FAT3: variants seen among roughly 807,000 people sequenced by gnomAD.
The protein encoded by FAT3 is protocadherin Fat 3.
A neutral mutation model predicts 310.2 loss-of-function variants in FAT3; 95 were observed. The ratio of observed to expected loss-of-function variants is 0.31; its 90% CI spans 0.26 to 0.36. The LOEUF is 0.36. FAT3 is among the 10% of genes least tolerant of loss of function. FAT3 has a pLI of 1.00. For missense variants in FAT3, 5,408 were observed against 5,715.6 expected (o/e 0.95, Z 1.74); for synonymous variants, 2,314 against 2,192.9 (o/e 1.06, Z -1.54).
At chr11:92,753,562 G>A (rs1945883739) in intron 4 of FAT3, among the ~76,000 whole-genome samples, 2 of 152,052 alleles carry the variant, frequency 1.3e-5, no homozygotes, top group South Asian at 4.1e-4. Context: ...GAAAAGCTTT[G>A]TGTAAAGTGT....
At position 92,798,404 on chromosome 11, in the gene FAT3, G is replaced by A. The variant is rs143705185; in HGVS notation, c.5391G>A (p.Val1797=). The part of the protein sequence containing the change: ...IVRSLDNSPL[V]IRATDADSNR... ...GGAGCTTGGATAACAGCCCACTGGT[G>A]ATTCGAGCCACAGATGCTGACAGCA... The change falls in exon 10 of 28, where the codon GTG becomes GTA. Residue 1797 remains valine, a synonymous_variant. Coordinates refer to ENST00000525166, the MANE Select transcript of FAT3 (RefSeq NM_001367949.2). 3,562 of 1,612,968 alleles carry A rather than the reference G, an allele frequency of 2.2e-3. 7 individuals carry two copies. Among genetic ancestry groups the A allele is most frequent in the Non-Finnish European group, 2.6e-3 (3,054 of 1,179,698 alleles).
intron 3 of FAT3, among the ~76,000 whole-genome samples, chr11:92,596,306 A>G (rs1391310562): frequency 6.6e-6 from 1 of 152,156 alleles, no homozygotes; most frequent in Non-Finnish European, 1.5e-5. Flanking sequence ...AGTTCAGAGA[A>G]GCAGTCTGAT....
rs79277947 is a variant in FAT3, at chr11:92,436,983, T to A, written c.3292+81579T>A. Reference sequence around the variant, plus strand: ...TTTCCTAGTGCTGTCTCAAGCCCTGTCTTTGGATGTTTAGTTAATATTTAT... The same window carrying A: ...TTTCCTAGTGCTGTCTCAAGCCCTGACTTTGGATGTTTAGTTAATATTTAT... On this transcript the variant is annotated intron_variant, in intron 2 of 27. Coordinates refer to ENST00000525166, the MANE Select transcript of FAT3 (RefSeq NM_001367949.2). Among the ~76,000 whole-genome samples, 1,453 of 152,308 alleles carry A rather than the reference T, an allele frequency of 9.5e-3. 21 individuals carry two copies. The highest frequency in any genetic ancestry group is 0.033 in the African/African-American group (1,367 of 41,550).
chr11:92,484,598 A>G (rs1381133329), intron 2 of FAT3, among the ~76,000 whole-genome samples: 1 of 152,202 alleles, frequency 6.6e-6, no homozygotes. Context: ...GGATGATGGA[A>G]GATGATAATG....
intron 2 of FAT3, among the ~76,000 whole-genome samples, chr11:92,424,299 T>TTA (rs1378055905): frequency 3.3e-5 from 5 of 152,158 alleles, no homozygotes; most frequent in African/African-American, 1.2e-4. Flanking sequence ...TAGATGTGAA[T>TTA]TATACCTGCT....
intron 2 of FAT3, among the ~76,000 whole-genome samples, chr11:92,463,465 A>G (rs967215808): frequency 1.3e-5 from 2 of 152,178 alleles, no homozygotes; most frequent in African/African-American, 4.8e-5. Context: ...TCTTACCTGT[A>G]AAATGGGGTT....
chr11:92,229,238 T>C (rs771110569), intron 1 of FAT3, among the ~76,000 whole-genome samples: 2 of 152,190 alleles, frequency 1.3e-5, no homozygotes, highest in Non-Finnish European at 2.9e-5. Context: ...CTGTTGAATA[T>C]GTCATTTTCA....
Position 92,795,024 on chromosome 11 carries a change from G to T in FAT3, c.4822+2047G>T, listed in dbSNP as rs147359280. Among the ~76,000 whole-genome samples the T allele has an allele frequency of 1.4e-4, 22 of 152,266 alleles. 1 individual carries two copies. The East Asian group carries it at 4.3e-3, about 29-fold the overall frequency. On this transcript the variant is annotated intron_variant, in intron 9 of 27. Coordinates refer to ENST00000525166, the MANE Select transcript of FAT3 (RefSeq NM_001367949.2). ...TAAGCAAGATTTCACTCTGTTTATT[G>T]GTGGGCTATAAATTTCCTGTCTCCT...
intron 3 of FAT3, among the ~76,000 whole-genome samples, chr11:92,682,418 G>A (rs574207531): frequency 1.3e-5 from 2 of 152,268 alleles, no homozygotes; most frequent in African/African-American, 4.8e-5. Flanking sequence ...TTGAGCAGGC[G>A]CATTACCTAA....
At chr11:92,751,422 C>T (rs1261420659) in intron 4 of FAT3, among the ~76,000 whole-genome samples, 2 of 152,196 alleles carry the variant, frequency 1.3e-5, no homozygotes, top group African/African-American at 2.4e-5. Context: ...CAGGCCCTCC[C>T]TCTCGTCTCC....
At chr11:92,538,951 G>A (rs185721860) in intron 3 of FAT3, among the ~76,000 whole-genome samples, 21 of 152,160 alleles carry the variant, frequency 1.4e-4, no homozygotes, top group Admixed American at 9.2e-4. Flanking sequence ...GGCAGAAAAC[G>A]CTCAGCCTCT....
chr11:92,634,069 A>G (rs1169145631), intron 3 of FAT3, among the ~76,000 whole-genome samples: 1 of 152,204 alleles, frequency 6.6e-6, no homozygotes. Context: ...ACTGCTGACT[A>G]GAAGGTTATG....
At chr11:92,668,092 C>T (rs182573893) in intron 3 of FAT3, among the ~76,000 whole-genome samples, 1 of 152,268 alleles carries the variant, frequency 6.6e-6, no homozygotes, top group African/African-American at 2.4e-5. Context: ...TTTTTGTCTC[C>T]TCTGGTTTGG....
intron 3 of FAT3, among the ~76,000 whole-genome samples, chr11:92,686,247 A>C (rs1021250890): frequency 6.6e-6 from 1 of 152,208 alleles, no homozygotes; most frequent in Non-Finnish European, 1.5e-5. Flanking sequence ...CAGGAAACAC[A>C]TATTTACTGC....
At chr11:92,474,828 A>G (rs1489678004) in intron 2 of FAT3, among the ~76,000 whole-genome samples, 2 of 152,206 alleles carry the variant, frequency 1.3e-5, no homozygotes, top group African/African-American at 4.8e-5. Flanking sequence ...AAAGAGAATT[A>G]AGAAGGTGGA....
At chr11:92,660,213 A>G (rs1942733956) in intron 3 of FAT3, among the ~76,000 whole-genome samples, 2 of 151,920 alleles carry the variant, frequency 1.3e-5, no homozygotes, top group African/African-American at 2.4e-5. Context: ...CAAACTGAAC[A>G]TCTAACCTGA....
chr11:92,828,902 T>C (rs1948166863), intron 13 of FAT3, among the ~76,000 whole-genome samples: 1 of 152,136 alleles, frequency 6.6e-6, no homozygotes, highest in African/African-American at 2.4e-5. Flanking sequence ...GAATTAGATT[T>C]CAGCTTTGTG....
chr11:92,305,964 G>T (rs1947106264), intron 1 of FAT3, among the ~76,000 whole-genome samples: 1 of 152,228 alleles, frequency 6.6e-6, no homozygotes, highest in Admixed American at 6.5e-5. Context: ...TCCTATCATT[G>T]TTATGTAGTT....
At chr11:92,632,359 C>T (rs1360458181) in intron 3 of FAT3, among the ~76,000 whole-genome samples, 1 of 152,126 alleles carries the variant, frequency 6.6e-6, no homozygotes, top group Non-Finnish European at 1.5e-5. Context: ...ATTTCACATC[C>T]CCTTGTTTCC....
Sources: gnomAD v4.1 joint callset for allele counts (sites outside exome capture counted in the v4.1 genomes callset) on GRCh38, gnomAD v4.1.1 for gene constraint, MANE v1.5 for transcripts, NCBI Gene and HGNC (gene_info 2026-07-23, HGNC 2026-07-21) for gene names.